The following RHEX variants were observed in gnomAD, a reference collection of about 807,000 sequenced individuals.
RHEX encodes the protein regulator of hemoglobinization and erythroid cell expansion protein.
RHEX carries 18 observed loss-of-function variants against 20.1 expected under a neutral mutation model. The observed-to-expected ratio is 0.90, with a 90% CI of 0.62 to 1.33. RHEX has a LOEUF of 1.33. Among genes scored for constraint, RHEX ranks in the 40% most tolerant of loss-of-function variants. The pLI is 0.00. For synonymous variants in RHEX, 87 were observed against 77.1 expected (o/e 1.13, Z -0.67); for missense variants, 192 against 214.3 (o/e 0.90, Z 0.65).
At chr1:206,066,704 G>A (rs894704228) in intron 1 of RHEX, among the ~76,000 whole-genome samples, 8 of 152,212 alleles carry the variant, frequency 5.3e-5, no homozygotes, top group South Asian at 2.1e-4. Flanking sequence ...GAAGGGAGAG[G>A]CTGAGATTTA....
intron 1 of RHEX, among the ~76,000 whole-genome samples, chr1:206,095,125 C>G (rs1390867203): frequency 6.6e-6 from 1 of 151,880 alleles, no homozygotes; most frequent in Non-Finnish European, 1.5e-5. Flanking sequence ...CAGATACTAC[C>G]GAGAAACACT....
chr1:206,062,476 G>A lies in RHEX; in HGVS notation c.-97+9211G>A, dbSNP rs555301846. Among the ~76,000 whole-genome samples the A allele has an allele frequency of 1.6e-3, 240 of 152,356 alleles. 5 individuals are homozygous for A. The South Asian group carries it at 0.045, about 28-fold the overall frequency. On this transcript the variant is annotated intron_variant, in intron 1 of 5. Coordinates refer to ENST00000331555, the MANE Select transcript of RHEX (RefSeq NM_001007544.4). ...GGGGATTCAGACCATTTCAGGTCCA[G>A]CTGCTTTTGTCTCTCCAGTCTTACC...
intron 1 of RHEX, among the ~76,000 whole-genome samples, chr1:206,063,175 G>A (rs1344596119): frequency 6.6e-6 from 1 of 152,122 alleles, no homozygotes; most frequent in Admixed American, 6.5e-5. Context: ...GAATGGCAGT[G>A]CAAAGGCCCT....
At chr1:206,071,523 A>G (rs1662527778) in intron 1 of RHEX, among the ~76,000 whole-genome samples, 1 of 149,514 alleles carries the variant, frequency 6.7e-6, no homozygotes, top group Non-Finnish European at 1.5e-5. Context: ...TATTCTGTAA[A>G]CTATAAGATG....
chr1:206,102,031 T>G lies in RHEX; in HGVS notation c.*79T>G. On this transcript the variant is annotated 3_prime_UTR_variant, in exon 6 of 6. Coordinates refer to ENST00000331555, the MANE Select transcript of RHEX (RefSeq NM_001007544.4). ...TGTAGGGAAATGCCATTTTTCCCCC[T>G]TAAACAAGGCATGGGGCTCACAAGT... The G allele has an allele frequency of 5.0e-6, 6 of 1,188,426 alleles. No homozygotes were observed. Among genetic ancestry groups the G allele is most frequent in the Non-Finnish European group, 7.4e-6 (6 of 805,850 alleles). 73.6% of individuals were successfully genotyped at this position (1,188,426 alleles called of 1,614,324 possible). A position where few individuals can be genotyped will look rare whatever the true frequency, so the allele number is the denominator to read the frequency against.
chr1:206,074,181 C>T (rs1372583100), intron 1 of RHEX, among the ~76,000 whole-genome samples: 2 of 152,198 alleles, frequency 1.3e-5, no homozygotes, highest in Non-Finnish European at 2.9e-5. Flanking sequence ...TGTGATAGGA[C>T]CCTCTGCTGT....
At chr1:206,095,771 G>A (rs782287158) in intron 1 of RHEX, among the ~76,000 whole-genome samples, 5 of 152,038 alleles carry the variant, frequency 3.3e-5, no homozygotes, top group Non-Finnish European at 7.4e-5. Flanking sequence ...AGCCGAGATC[G>A]TGTCATTGTA....
intron 4 of RHEX, 79 bp downstream of exon 4, chr1:206,099,877 AC>A: frequency 6.5e-6 from 9 of 1,382,562 alleles, no homozygotes; most frequent in Non-Finnish European, 9.1e-6. Context: ...CCCTGCAGCA[AC>A]CCCATGGGCC....
At chr1:206,084,970 C>G (rs1662809943) in intron 1 of RHEX, among the ~76,000 whole-genome samples, 1 of 152,032 alleles carries the variant, frequency 6.6e-6, no homozygotes, top group Non-Finnish European at 1.5e-5. Context: ...TCCCCCCAAC[C>G]CCCGGGTTGG....
chr1:206,068,565 G>A (rs190427064), intron 1 of RHEX, among the ~76,000 whole-genome samples: 2 of 152,174 alleles, frequency 1.3e-5, no homozygotes, highest in Non-Finnish European at 2.9e-5. Flanking sequence ...TTAAAGGGAG[G>A]CTGAACTCAG....
intron 1 of RHEX, among the ~76,000 whole-genome samples, chr1:206,063,023 C>T (rs1662335517): frequency 6.6e-6 from 1 of 152,132 alleles, no homozygotes; most frequent in Non-Finnish European, 1.5e-5. Flanking sequence ...CATTCCCTAC[C>T]CTACACTTCC....
Position 206,063,436 on chromosome 1 carries a change from C to T in RHEX, c.-97+10171C>T, listed in dbSNP as rs61815547. ...CTCTCTTTCCACCGTCTCCCTCTCA[C>T]GCCAAGCCAAAGCTGGACTATACTG... On this transcript the variant is annotated intron_variant, in intron 1 of 5. Coordinates refer to ENST00000331555, the MANE Select transcript of RHEX (RefSeq NM_001007544.4). Among the ~76,000 whole-genome samples, 743 of 152,368 alleles carry T rather than the reference C, an allele frequency of 4.9e-3. 4 individuals carry two copies. Among genetic ancestry groups the T allele is most frequent in the Non-Finnish European group, 8.6e-3 (582 of 68,032 alleles).
intron 4 of RHEX, 45 bp downstream of exon 4, chr1:206,099,843 GCT>G (rs1663153036): frequency 1.3e-6 from 2 of 1,595,654 alleles, no homozygotes; most frequent in African/African-American, 2.7e-5. Context: ...GACTAACTTT[GCT>G]CTCTCTGGAC....
intron 1 of RHEX, among the ~76,000 whole-genome samples, chr1:206,065,931 A>T (rs1452081624): frequency 6.6e-6 from 1 of 152,188 alleles, no homozygotes; most frequent in African/African-American, 2.4e-5. Flanking sequence ...TTTAGCCAGG[A>T]CTGGGCTTGG....
chr1:206,090,904 A>G (rs1662937475), intron 1 of RHEX, among the ~76,000 whole-genome samples: 1 of 152,186 alleles, frequency 6.6e-6, no homozygotes, highest in Non-Finnish European at 1.5e-5. Context: ...ACAGGACTTT[A>G]CTGAGCAATC....
chr1:206,070,148 C>T (rs1553284507), intron 1 of RHEX, among the ~76,000 whole-genome samples: 1 of 151,906 alleles, frequency 6.6e-6, no homozygotes, highest in Non-Finnish European at 1.5e-5. Flanking sequence ...GCCCAGGGGT[C>T]AAGGGAATGA....
chr1:206,088,502 G>T (rs1662881267), intron 1 of RHEX, among the ~76,000 whole-genome samples: 1 of 152,142 alleles, frequency 6.6e-6, no homozygotes, highest in Non-Finnish European at 1.5e-5. Flanking sequence ...GGCCAACATG[G>T]TGAAATGCTG....
Position 206,058,677 on chromosome 1 carries a change from TTCTCTC to T in RHEX, c.-97+5414_-97+5419del, listed in dbSNP as rs1662246907. Reference sequence around the variant, plus strand: ...TGTGAAACTCCCTGCCCTGTTCTGTTTCTCTCTGACCACCGGTGCATGCAGCCCCTG... The same window carrying T: ...TGTGAAACTCCCTGCCCTGTTCTGTTTGACCACCGGTGCATGCAGCCCCTG... On this transcript the variant is annotated intron_variant, in intron 1 of 5. Coordinates refer to ENST00000331555, the MANE Select transcript of RHEX (RefSeq NM_001007544.4). 9.9e-5 allele frequency among the ~76,000 whole-genome samples: 15 copies of T among 152,254 alleles called. No individual in the cohort carries two copies. In the South Asian group the frequency reaches 3.1e-3, roughly 32 times the overall value.
intron 1 of RHEX, among the ~76,000 whole-genome samples, chr1:206,079,832 C>T (rs568316723): frequency 3.3e-5 from 5 of 152,298 alleles, no homozygotes; most frequent in African/African-American, 1.2e-4. Flanking sequence ...GGATTACAGG[C>T]CTGAGCCACC....
Sources: gnomAD v4.1 joint callset for allele counts (sites outside exome capture counted in the v4.1 genomes callset) on GRCh38, gnomAD v4.1.1 for gene constraint, MANE v1.5 for transcripts, NCBI Gene and HGNC (gene_info 2026-07-23, HGNC 2026-07-21) for gene names.